Variants in QTMAN observed in about 807,000 individuals in gnomAD.
The protein encoded by QTMAN is tRNA-queuosine alpha-mannosyltransferase.
chr2:144,223,347 G>A, the QTMAN span, among the ~76,000 whole-genome samples: 5 of 152,010 alleles, frequency 3.3e-5, no homozygotes, highest in Non-Finnish European at 5.9e-5. Context: ...TGGGTATGAA[G>A]ACTATGCTTA....
chr2:144,195,192 A>G, the QTMAN span, among the ~76,000 whole-genome samples: 1 of 152,138 alleles, frequency 6.6e-6, no homozygotes, highest in African/African-American at 2.4e-5. Flanking sequence ...TAGAAACCCT[A>G]GAACACAATA....
At chr2:144,080,695 A>T in the QTMAN span, among the ~76,000 whole-genome samples, 7 of 152,160 alleles carry the variant, frequency 4.6e-5, no homozygotes, top group Non-Finnish European at 1.0e-4. Context: ...TAGACTAAAA[A>T]CTACTTTTTG....
At chr2:144,277,172 T>C in the QTMAN span, among the ~76,000 whole-genome samples, 2 of 152,166 alleles carry the variant, frequency 1.3e-5, no homozygotes, top group Non-Finnish European at 2.9e-5. Flanking sequence ...TGGGTTAAAT[T>C]AATCATATTA....
chr2:143,938,427 CAAATT>C, the QTMAN span: 2 of 152,220 alleles, frequency 1.3e-5, no homozygotes, highest in Non-Finnish European at 2.9e-5. Context: ...TTTTAACACT[CAAATT>C]AAAGGATCAC....
the QTMAN span, chr2:144,007,619 G>A: frequency 1.2e-6 from 1 of 811,774 alleles, no homozygotes; most frequent in African/African-American, 1.7e-5. Flanking sequence ...AGTACATAAT[G>A]ATTATATATA....
the QTMAN span, among the ~76,000 whole-genome samples, chr2:144,189,188 A>G: frequency 6.6e-6 from 1 of 152,176 alleles, no homozygotes; most frequent in African/African-American, 2.4e-5. Context: ...AGGTCTGGAT[A>G]TGTTGCCCAG....
the QTMAN span, among the ~76,000 whole-genome samples, chr2:144,036,665 T>G: frequency 6.6e-6 from 1 of 152,170 alleles, no homozygotes; most frequent in African/African-American, 2.4e-5. Context: ...ACACTCTGTA[T>G]CATTAAAGTC....
At chr2:144,037,328 A>C in the QTMAN span, among the ~76,000 whole-genome samples, 12 of 152,362 alleles carry the variant, frequency 7.9e-5, no homozygotes, top group Non-Finnish European at 1.5e-4. Flanking sequence ...TACAACAATT[A>C]AGTGGTAAAT....
chr2:144,214,822 A>G, the QTMAN span, among the ~76,000 whole-genome samples: 2 of 152,222 alleles, frequency 1.3e-5, no homozygotes, highest in African/African-American at 4.8e-5. Context: ...CAATTATATG[A>G]ATTGCAATGA....
the QTMAN span, among the ~76,000 whole-genome samples, chr2:144,308,956 C>CA: frequency 6.6e-6 from 1 of 152,014 alleles, no homozygotes; most frequent in African/African-American, 2.4e-5. Context: ...TTTTAATGGA[C>CA]AAAAGATTTC....
the QTMAN span, among the ~76,000 whole-genome samples, chr2:144,310,829 T>C: frequency 6.6e-6 from 1 of 152,216 alleles, no homozygotes; most frequent in African/African-American, 2.4e-5. Flanking sequence ...TATTTGAAGA[T>C]TTATATTCCT....
the QTMAN span, among the ~76,000 whole-genome samples, chr2:143,998,436 G>A: frequency 1.9e-4 from 28 of 151,218 alleles, no homozygotes; most frequent in Middle Eastern, 3.4e-3. Context: ...CGACAGAAGG[G>A]GGGGGAAAGC....
the QTMAN span, among the ~76,000 whole-genome samples, chr2:144,143,608 C>T: frequency 1.3e-4 from 20 of 151,792 alleles, no homozygotes; most frequent in South Asian, 2.1e-4. Context: ...GATTACAACA[C>T]GAACAATACA....
chr2:144,084,641 C>T, the QTMAN span, among the ~76,000 whole-genome samples: 1 of 152,116 alleles, frequency 6.6e-6, no homozygotes, highest in Admixed American at 6.5e-5. Flanking sequence ...TTTAATTGTT[C>T]TTCAAACATC....
the QTMAN span, among the ~76,000 whole-genome samples, chr2:144,110,881 A>G: frequency 1.3e-5 from 2 of 152,156 alleles, no homozygotes; most frequent in Non-Finnish European, 2.9e-5. Flanking sequence ...CCTGATCTTA[A>G]GTCTCTGATT....
the QTMAN span, among the ~76,000 whole-genome samples, chr2:144,255,059 T>C: frequency 2.0e-5 from 3 of 152,200 alleles, no homozygotes; most frequent in African/African-American, 4.8e-5. Flanking sequence ...ACTTGCTTTG[T>C]CTCAGATGAG....
At chr2:143,993,167 T>C in the QTMAN span, among the ~76,000 whole-genome samples, 1 of 152,240 alleles carries the variant, frequency 6.6e-6, no homozygotes, top group Admixed American at 6.5e-5. Context: ...ATAGGTACTG[T>C]AAGCTCCAAG....
At chr2:143,990,335 T>TA in the QTMAN span, among the ~76,000 whole-genome samples, 3 of 152,066 alleles carry the variant, frequency 2.0e-5, no homozygotes, top group Non-Finnish European at 4.4e-5. Flanking sequence ...AGACCACTGA[T>TA]AAAGAGAGTG....
the QTMAN span, among the ~76,000 whole-genome samples, chr2:143,958,213 T>C: frequency 6.6e-6 from 1 of 152,116 alleles, no homozygotes; most frequent in East Asian, 1.9e-4. Flanking sequence ...GTGTCATCTA[T>C]AATTTCCACT....
Sources: allele counts gnomAD v4.1 joint callset (sites outside exome capture counted in the v4.1 genomes callset), GRCh38; gene constraint gnomAD v4.1.1; transcripts MANE v1.5; gene names NCBI Gene and HGNC (gene_info 2026-07-23, HGNC 2026-07-21).